The following EXOC6 variants were observed in gnomAD, a reference collection of about 807,000 sequenced individuals.
EXOC6 encodes the protein exocyst complex component 6, also known as SEC15-like 1.
EXOC6 carries 60 observed loss-of-function variants against 112.5 expected under a neutral mutation model. The observed-to-expected ratio is 0.53, with a 90% CI of 0.43 to 0.66. EXOC6 has a LOEUF of 0.66. Among genes scored for constraint, EXOC6 ranks in the 30% least tolerant of loss-of-function variants. The probability of loss-of-function intolerance (pLI) is 0.00; values close to 1 mark genes in which losing one functional copy is unlikely to be tolerated. For missense variants in EXOC6, 855 were observed against 957.1 expected, an observed-to-expected ratio of 0.89 and a Z score of 1.41; for synonymous variants, 295 against 308.0, an observed-to-expected ratio of 0.96 and a Z score of 0.44.
chr10:92,976,397 G>C (rs1272065869), intron 18 of EXOC6, among the ~76,000 whole-genome samples: 1 of 152,040 alleles, frequency 6.6e-6, no homozygotes, highest in Non-Finnish European at 1.5e-5. Flanking sequence ...CATGTGCTGT[G>C]TCCACTCAGG....
chr10:93,041,516 C>A (rs1008552995), intron 20 of EXOC6, among the ~76,000 whole-genome samples: 1 of 148,738 alleles, frequency 6.7e-6, no homozygotes, highest in African/African-American at 2.5e-5. Context: ...CTCAGCCTCC[C>A]AAGTATGCCT....
intron 1 of EXOC6, among the ~76,000 whole-genome samples, chr10:92,862,455 TGAGA>T (rs369208460): frequency 1.3e-5 from 2 of 151,198 alleles, no homozygotes; most frequent in Admixed American, 6.6e-5. Context: ...AGTAGTCTTA[TGAGA>T]GAGAGAGAGA....
intron 17 of EXOC6, among the ~76,000 whole-genome samples, chr10:92,972,054 C>T (rs1366387965): frequency 6.6e-6 from 1 of 152,190 alleles, no homozygotes; most frequent in Non-Finnish European, 1.5e-5. Context: ...GCTTAGTGGT[C>T]ATCTGGTGAT....
rs1452889418 is a variant in EXOC6, at chr10:92,899,913, T to C, written c.458+269T>C. 4.6e-5 allele frequency: 16 copies of C among 345,348 alleles called. 1 individual carries two copies. The Admixed American group carries it at 7.4e-4, about 16-fold the overall frequency. 21.4% of individuals were successfully genotyped at this position (345,348 alleles called of 1,614,324 possible). On this transcript the variant is annotated intron_variant, in intron 5 of 21. Coordinates refer to ENST00000260762, the MANE Select transcript of EXOC6 (RefSeq NM_019053.6). ...AACAGGAATGAAAATATTGATTAGC[T>C]TACCAACATACTAATATTGCATGTA...
chr10:92,976,084 G>A (rs1842586822), intron 18 of EXOC6, among the ~76,000 whole-genome samples: 2 of 148,094 alleles, frequency 1.4e-5, no homozygotes, highest in Non-Finnish European at 3.0e-5. Flanking sequence ...CAGCCGCCCC[G>A]CCCGGGAGGT....
chr10:92,893,815 A>G (rs1849621511), intron 2 of EXOC6, among the ~76,000 whole-genome samples: 1 of 152,242 alleles, frequency 6.6e-6, no homozygotes, highest in Non-Finnish European at 1.5e-5. Context: ...TTGAATTTCT[A>G]AAATGACAGT....
At chr10:93,040,178 G>T (rs1845693145) in intron 20 of EXOC6, among the ~76,000 whole-genome samples, 1 of 152,112 alleles carries the variant, frequency 6.6e-6, no homozygotes, top group African/African-American at 2.4e-5. Flanking sequence ...ATCTTCCTAT[G>T]CCCTTGACCC....
At chr10:92,898,222 C>T (rs1849931871) in intron 4 of EXOC6, among the ~76,000 whole-genome samples, 1 of 150,736 alleles carries the variant, frequency 6.6e-6, no homozygotes, top group Non-Finnish European at 1.5e-5. Context: ...AGTTTGAGAA[C>T]AGCCTGGGCA....
rs1450139346 is a variant in EXOC6, at chr10:92,916,315, G to GC, written c.819+404dup. On this transcript the variant is annotated intron_variant, in intron 7 of 21. Transcript: ENST00000260762. ...CACTTGAGGCAGGAGTTTAAGACCA[G>GC]CCTGGCCAACATGGTGAAACCCTGT... 2.0e-5 allele frequency among the ~76,000 whole-genome samples: 3 copies of GC among 152,242 alleles called. No individual in the cohort carries two copies. In the East Asian group the frequency reaches 5.8e-4, roughly 29 times the overall value.
intron 5 of EXOC6, among the ~76,000 whole-genome samples, chr10:92,903,422 G>A (rs1449684393): frequency 1.3e-5 from 2 of 150,944 alleles, no homozygotes; most frequent in African/African-American, 2.4e-5. Context: ...AAAATCATGG[G>A]TTTAGACTGT....
upstream of EXOC6, among the ~76,000 whole-genome samples, chr10:92,831,569 G>A (rs2133562367): frequency 6.6e-6 from 1 of 152,104 alleles, no homozygotes; most frequent in African/African-American, 2.4e-5. Context: ...GAATAGCTGG[G>A]ACTACAGGTG....
intron 5 of EXOC6, among the ~76,000 whole-genome samples, chr10:92,905,932 G>A (rs1034590731): frequency 3.3e-5 from 5 of 152,040 alleles, no homozygotes; most frequent in African/African-American, 1.2e-4. Flanking sequence ...TATTGTTAGA[G>A]GCTTGCTGAG....
chr10:93,053,756 G>A (rs1846411831), intron 20 of EXOC6, among the ~76,000 whole-genome samples: 1 of 152,254 alleles, frequency 6.6e-6, no homozygotes, highest in Non-Finnish European at 1.5e-5. Context: ...TATCTACTGA[G>A]TGGTTAGACT....
intron 1 of EXOC6, among the ~76,000 whole-genome samples, chr10:92,839,910 G>A (rs986855108): frequency 5.3e-5 from 8 of 152,084 alleles, no homozygotes; most frequent in African/African-American, 1.9e-4. Context: ...GAGGAAAAGG[G>A]AATTGTACAA....
intron 20 of EXOC6, among the ~76,000 whole-genome samples, chr10:93,038,014 T>G (rs576340148): frequency 5.7e-4 from 70 of 123,854 alleles, no homozygotes; most frequent in Non-Finnish European, 8.6e-4. Context: ...CACTCCAGCC[T>G]GGGCTACAGA....
chr10:92,889,606 A>G (rs951867285), intron 1 of EXOC6, among the ~76,000 whole-genome samples: 22 of 152,120 alleles, frequency 1.4e-4, no homozygotes, highest in East Asian at 1.9e-4. Flanking sequence ...TTCAGTTACT[A>G]TGTTTATGTG....
intron 1 of EXOC6, among the ~76,000 whole-genome samples, chr10:92,841,261 G>A (rs1846840852): frequency 6.6e-6 from 1 of 151,904 alleles, no homozygotes; most frequent in African/African-American, 2.4e-5. Flanking sequence ...TTCAACTCTC[G>A]ACTTCTCTGA....
chr10:92,848,504 G>C (rs1847150986), upstream of EXOC6: 2 of 1,254,936 alleles, frequency 1.6e-6, no homozygotes, highest in Admixed American at 2.7e-5. Flanking sequence ...GCGGCGCCGC[G>C]CCTCGCTGGC....
At chr10:92,905,276 A>G (rs1850379344) in intron 5 of EXOC6, among the ~76,000 whole-genome samples, 1 of 152,032 alleles carries the variant, frequency 6.6e-6, no homozygotes, top group African/African-American at 2.4e-5. Flanking sequence ...GCCTGTCTAT[A>G]TGAACTTCAG....
Sources: allele counts gnomAD v4.1 joint callset (sites outside exome capture counted in the v4.1 genomes callset), GRCh38; gene constraint gnomAD v4.1.1; transcripts MANE v1.5; gene names NCBI Gene and HGNC (gene_info 2026-07-23, HGNC 2026-07-21).